Variants in LHX8 observed in about 807,000 individuals in gnomAD.
The protein encoded by LHX8 is LIM homeobox 8.
Under a neutral mutation model 40.3 loss-of-function variants are expected in LHX8, and 12 were observed. The ratio of observed to expected loss-of-function variants is 0.30; its 90% confidence interval spans 0.19 to 0.48. The LOEUF is 0.48. Ranked by LOEUF, LHX8 falls within the 20% of genes least tolerant of loss-of-function variation. The pLI, the probability that LHX8 is intolerant of heterozygous loss-of-function variation, is 0.99. For missense variants in LHX8, 344 were observed against 433.7 expected (o/e 0.79, Z 1.84); for synonymous variants, 179 against 162.0 (o/e 1.10, Z -0.80).
At chr1:75,196,139 AT>A in the LHX8 span, among the ~76,000 whole-genome samples, 6 of 151,170 alleles carry the variant, frequency 4.0e-5, no homozygotes, top group South Asian at 2.1e-4. Flanking sequence ...ATCGAGTTGG[AT>A]TTTTTTTTCC....
intron 7 of LHX8, among the ~76,000 whole-genome samples, chr1:75,153,523 C>CG (rs1204144715): frequency 4.0e-5 from 3 of 74,088 alleles, no homozygotes; most frequent in Non-Finnish European, 9.2e-5. Context: ...AGTGATTCTC[C>CG]TCCTCAGCCT....
At chr1:75,176,400 A>G in the LHX8 span, among the ~76,000 whole-genome samples, 6 of 152,192 alleles carry the variant, frequency 3.9e-5, no homozygotes, top group African/African-American at 1.4e-4. Flanking sequence ...TGTGGTTTTG[A>G]TTTGCATTTC....
the LHX8 span, among the ~76,000 whole-genome samples, chr1:75,193,637 C>T: frequency 5.3e-5 from 8 of 152,258 alleles, no homozygotes; most frequent in African/African-American, 1.4e-4. Flanking sequence ...TTGCATAATT[C>T]GTAGTAAATA....
Position 75,137,231 on chromosome 1 carries a change from C to T in LHX8, c.207C>T (p.Gly69=). Residue 69 remains glycine (G), a synonymous_variant, in exon 3 of 9, where the codon GGC becomes GGT. Transcript: ENST00000356261. ...GCAAGTGTGTGTGCAACAGTTGCGGCCTGGAGATCGTGGACAAATACCTTC... is the reference window on the plus strand; with the variant it reads ...GCAAGTGTGTGTGCAACAGTTGCGGTCTGGAGATCGTGGACAAATACCTTC... ...PPGKCVCNSC[G]LEIVDKYLLK... 1 of 1,613,560 alleles carries T rather than the reference C, an allele frequency of 6.2e-7. No homozygotes were observed. The highest frequency in any genetic ancestry group is 8.5e-7 in the Non-Finnish European group (1 of 1,179,968).
the LHX8 span, among the ~76,000 whole-genome samples, chr1:75,186,383 G>T: frequency 1.3e-5 from 2 of 151,966 alleles, no homozygotes; most frequent in Non-Finnish European, 2.9e-5. Flanking sequence ...CAGAAATAAG[G>T]CTGCACACCT....
In LHX8 at chr1:75,145,242, GTGA is replaced by G. The variant is rs1462640285; in HGVS notation, c.684+1295_684+1297del. 2.6e-5 allele frequency among the ~76,000 whole-genome samples: 4 copies of G among 152,188 alleles called. No individual in the cohort carries two copies. In the East Asian group the frequency reaches 7.7e-4, roughly 29 times the overall value. On this transcript the variant is annotated intron_variant, in intron 6 of 8. Transcript: ENST00000356261. The stretch of plus-strand genomic sequence containing the variant: ...ATCACACAATGCCCTGTCAGAAGAT[GTGA>G]GTACTTCTGAAAGACCTGGAAAAAT...
At chr1:75,164,413 G>T (rs918588885), downstream of LHX8, among the ~76,000 whole-genome samples, 1 of 152,088 alleles carries the variant, frequency 6.6e-6, no homozygotes, top group Non-Finnish European at 1.5e-5. Flanking sequence ...AAATGACACT[G>T]TGAAGGCATC....
At chr1:75,165,932 C>T (rs1649023351), downstream of LHX8, among the ~76,000 whole-genome samples, 1 of 152,146 alleles carries the variant, frequency 6.6e-6, no homozygotes, top group South Asian at 2.1e-4. Flanking sequence ...AACTGTATCC[C>T]AAGGACACTT....
intron 8 of LHX8, 99 bp downstream of exon 8, chr1:75,157,175 C>G: frequency 1.5e-6 from 2 of 1,326,942 alleles, no homozygotes; most frequent in Non-Finnish European, 2.2e-6. Context: ...GAAATATTAC[C>G]TCAGTAGTAG....
the LHX8 span, among the ~76,000 whole-genome samples, chr1:75,186,221 A>G: frequency 6.6e-6 from 1 of 152,240 alleles, no homozygotes; most frequent in Non-Finnish European, 1.5e-5. Context: ...CCCAGAAAGA[A>G]CTCAAACAAC....
chr1:75,135,537 G>A (rs921855520), intron 1 of LHX8, among the ~76,000 whole-genome samples: 1 of 152,224 alleles, frequency 6.6e-6, no homozygotes, highest in Non-Finnish European at 1.5e-5. Flanking sequence ...TATCTTGCCT[G>A]GTGCTTCCAG....
chr1:75,160,248 G>A (rs1385872243), intron 8 of LHX8: 1 of 152,496 alleles, frequency 6.6e-6, no homozygotes, highest in African/African-American at 2.4e-5. Context: ...CTCAGAGAAA[G>A]GTTTGGTTTG....
At chr1:75,182,032 G>A in the LHX8 span, among the ~76,000 whole-genome samples, 1 of 152,186 alleles carries the variant, frequency 6.6e-6, no homozygotes, top group East Asian at 1.9e-4. Context: ...CTTTGTTTTT[G>A]TTGCATTTGT....
At chr1:75,193,488 T>C in the LHX8 span, among the ~76,000 whole-genome samples, 4 of 152,340 alleles carry the variant, frequency 2.6e-5, no homozygotes, top group Admixed American at 1.3e-4. Flanking sequence ...GTAAAACTGC[T>C]GGTCCCCTAT....
chr1:75,188,970 C>T, the LHX8 span, among the ~76,000 whole-genome samples: 1 of 152,124 alleles, frequency 6.6e-6, no homozygotes, highest in Non-Finnish European at 1.5e-5. Flanking sequence ...ATTTTATTTT[C>T]CTCTTTACAT....
chr1:75,188,178 T>C, the LHX8 span, among the ~76,000 whole-genome samples: 5 of 152,134 alleles, frequency 3.3e-5, no homozygotes, highest in African/African-American at 1.2e-4. Context: ...TGTTGTTTTG[T>C]TTTGCTTTTT....
At chr1:75,155,247 T>C (rs1480159109) in intron 7 of LHX8, among the ~76,000 whole-genome samples, 2 of 148,024 alleles carry the variant, frequency 1.4e-5, no homozygotes, top group African/African-American at 5.0e-5. Context: ...TTTTTTTTTT[T>C]TTTTTGAGAC....
chr1:75,198,044 T>G, the LHX8 span, among the ~76,000 whole-genome samples: 1 of 152,136 alleles, frequency 6.6e-6, no homozygotes, highest in Non-Finnish European at 1.5e-5. Context: ...AATATCAGGA[T>G]TTAAGAGAAA....
the LHX8 span, among the ~76,000 whole-genome samples, chr1:75,179,636 T>C: frequency 2.0e-4 from 30 of 152,034 alleles, no homozygotes; most frequent in Non-Finnish European, 4.3e-4. Flanking sequence ...GTCTTAACTC[T>C]TTATCCAATT....
Sources: allele counts gnomAD v4.1 joint callset (sites outside exome capture counted in the v4.1 genomes callset), GRCh38; gene constraint gnomAD v4.1.1; transcripts MANE v1.5; gene names NCBI Gene and HGNC (gene_info 2026-07-23, HGNC 2026-07-21).